ITPR2: variants seen among roughly 807,000 people sequenced by gnomAD.
The protein encoded by ITPR2 is inositol 1,4,5-trisphosphate receptor type 2, also known as inositol 1,4,5-trisphosphate-gated calcium channel ITPR2.
Under a neutral mutation model 317.1 loss-of-function variants are expected in ITPR2, and 207 were observed. The ratio of observed to expected loss-of-function variants is 0.65; its 90% confidence interval spans 0.58 to 0.73. The LOEUF (loss-of-function observed/expected upper bound fraction) is 0.73. Ranked by LOEUF, ITPR2 falls within the 30% of genes least tolerant of loss-of-function variation. The pLI is 0.00. For missense variants in ITPR2, 2,613 were observed against 3,284.0 expected (o/e 0.80, Z 4.99); for synonymous variants, 1,156 against 1,149.1 (o/e 1.01, Z -0.12).
At chr12:26,610,096 C>T (rs1946227907) in intron 26 of ITPR2, among the ~76,000 whole-genome samples, 1 of 152,178 alleles carries the variant, frequency 6.6e-6, no homozygotes, top group South Asian at 2.1e-4. Flanking sequence ...TGAATAAAAG[C>T]TCTGCATGAA....
intron 37 of ITPR2, among the ~76,000 whole-genome samples, chr12:26,517,624 G>A (rs557326320): frequency 6.6e-6 from 1 of 152,178 alleles, no homozygotes; most frequent in Non-Finnish European, 1.5e-5. Flanking sequence ...GATCACCAGA[G>A]GTCAGAAGCT....
intron 41 of ITPR2, among the ~76,000 whole-genome samples, chr12:26,484,758 C>T (rs907821022): frequency 4.6e-5 from 7 of 152,092 alleles, no homozygotes; most frequent in Non-Finnish European, 1.0e-4. Flanking sequence ...ATCACCCAGG[C>T]TGGAGTGCAG....
intron 2 of ITPR2, among the ~76,000 whole-genome samples, chr12:26,745,939 AC>A (rs1949315100): frequency 6.6e-6 from 1 of 152,140 alleles, no homozygotes; most frequent in South Asian, 2.1e-4. Flanking sequence ...CTCACAAGAA[AC>A]CCACTTCTCA....
At chr12:26,669,848 T>G (rs1947712257) in intron 13 of ITPR2, among the ~76,000 whole-genome samples, 1 of 152,122 alleles carries the variant, frequency 6.6e-6, no homozygotes, top group South Asian at 2.1e-4. Flanking sequence ...CCCACCCGAG[T>G]ACTGCGCTTT....
chr12:26,464,959 T>A (rs528338424), intron 45 of ITPR2, among the ~76,000 whole-genome samples: 1 of 152,278 alleles, frequency 6.6e-6, no homozygotes, highest in East Asian at 1.9e-4. Flanking sequence ...TAAAAAGACA[T>A]TCAAATGCAG....
chr12:26,428,373 G>A (rs4963995), intron 48 of ITPR2, among the ~76,000 whole-genome samples: 92,232 of 151,890 alleles, frequency 0.61, 29,478 homozygotes, highest in Non-Finnish European at 0.73. Flanking sequence ...TCATATGAGG[G>A]TGATTTGCTA....
chr12:26,400,929 T>A (rs1230597918), intron 52 of ITPR2: 1 of 152,192 alleles, frequency 6.6e-6, no homozygotes, highest in African/African-American at 2.4e-5. Flanking sequence ...AGAGGGTTGT[T>A]TAAGAATTAC....
At chr12:26,757,324 T>C (rs1210273950) in intron 2 of ITPR2, among the ~76,000 whole-genome samples, 2 of 151,956 alleles carry the variant, frequency 1.3e-5, no homozygotes, top group Non-Finnish European at 2.9e-5. Flanking sequence ...TAAGTGATTC[T>C]CCTGCCTCAG....
At chr12:26,633,563 T>C (rs1011652598) in intron 21 of ITPR2, among the ~76,000 whole-genome samples, 1 of 152,226 alleles carries the variant, frequency 6.6e-6, no homozygotes, top group African/African-American at 2.4e-5. Context: ...TCGGACAAAA[T>C]TGAGGCAAAA....
At chr12:26,803,901 G>A (rs1038457834) in intron 1 of ITPR2, among the ~76,000 whole-genome samples, 14 of 152,064 alleles carry the variant, frequency 9.2e-5, no homozygotes, top group Non-Finnish European at 4.4e-5. Context: ...ATTACAGCAT[G>A]AGAAACTAGA....
intron 52 of ITPR2, among the ~76,000 whole-genome samples, chr12:26,408,592 T>TGTGCCTTGGG (rs935268638): frequency 1.6e-4 from 24 of 152,322 alleles, no homozygotes; most frequent in African/African-American, 5.8e-4. Flanking sequence ...TCTCTCTCTC[T>TGTGCCTTGGG]GTGCCTTGGG....
chr12:26,727,685 C>T (rs73292399), intron 2 of ITPR2, among the ~76,000 whole-genome samples: 12,796 of 152,092 alleles, frequency 0.084, 1,383 homozygotes, highest in African/African-American at 0.26. Context: ...GGGGTCATGC[C>T]CTGCACGAAC....
At chr12:26,387,333 G>A in intron 55 of ITPR2, 101 bp downstream of exon 55, 1 of 1,117,462 alleles carries the variant, frequency 8.9e-7, no homozygotes, top group East Asian at 2.4e-5. Context: ...AACAAAAAAT[G>A]ATTGCTACAA....
intron 1 of ITPR2, among the ~76,000 whole-genome samples, chr12:26,826,254 G>T (rs953294345): frequency 6.6e-5 from 10 of 151,692 alleles, no homozygotes; most frequent in Non-Finnish European, 1.3e-4. Context: ...GTCCTATTGA[G>T]GAAAATATTT....
intron 55 of ITPR2, among the ~76,000 whole-genome samples, chr12:26,359,951 C>T (rs184161697): frequency 7.9e-5 from 12 of 152,290 alleles, no homozygotes; most frequent in Admixed American, 5.2e-4. Flanking sequence ...TTCGCCTCTA[C>T]GTGCCCACTT....
chr12:26,384,353 T>C (rs1430841853), intron 55 of ITPR2, among the ~76,000 whole-genome samples: 1 of 152,244 alleles, frequency 6.6e-6, no homozygotes, highest in Admixed American at 6.5e-5. Context: ...GCAAACAACT[T>C]TTCATTTCCA....
At chr12:26,351,792 G>A (rs1307414322) in intron 55 of ITPR2, among the ~76,000 whole-genome samples, 2 of 152,058 alleles carry the variant, frequency 1.3e-5, no homozygotes, top group African/African-American at 4.8e-5. Flanking sequence ...GAATCTCCTT[G>A]GGACTTTAAG....
intron 9 of ITPR2, among the ~76,000 whole-genome samples, chr12:26,705,276 A>G (rs966510178): frequency 2.8e-4 from 43 of 152,224 alleles, no homozygotes; most frequent in African/African-American, 9.6e-4. Context: ...AATTTTCCCC[A>G]TAAAGTAACA....
At chr12:26,733,353 A>G (rs978090318) in intron 2 of ITPR2, among the ~76,000 whole-genome samples, 1 of 151,592 alleles carries the variant, frequency 6.6e-6, no homozygotes, top group Non-Finnish European at 1.5e-5. Context: ...AAGAAAAAAG[A>G]AAACCACTGG....
Sources: gnomAD v4.1 joint callset for allele counts (sites outside exome capture counted in the v4.1 genomes callset) on GRCh38, gnomAD v4.1.1 for gene constraint, MANE v1.5 for transcripts, NCBI Gene and HGNC (gene_info 2026-07-23, HGNC 2026-07-21) for gene names.